The following DCAF6 variants were observed in gnomAD, a reference collection of about 807,000 sequenced individuals.
DCAF6 encodes DDB1- and CUL4-associated factor 6.
DCAF6 carries 54 observed loss-of-function variants against 125.1 expected under a neutral mutation model. The observed-to-expected ratio is 0.43, with a 90% CI of 0.35 to 0.54. The LOEUF (loss-of-function observed/expected upper bound fraction) is 0.54, where lower values mean the gene tolerates loss of function less well. Among genes scored for constraint, DCAF6 ranks in the 20% least tolerant of loss-of-function variants. The pLI is 0.01. For synonymous variants in DCAF6, 371 were observed against 390.4 expected (o/e 0.95, Z 0.58); for missense variants, 934 against 1,161.7 (o/e 0.80, Z 2.85).
At chr1:167,943,926 C>T (rs1672662217) in intron 1 of DCAF6, among the ~76,000 whole-genome samples, 1 of 151,036 alleles carries the variant, frequency 6.6e-6, no homozygotes, top group Non-Finnish European at 1.5e-5. Context: ...GCAAGTTCCG[C>T]CTCCGAGGTT....
intron 11 of DCAF6, among the ~76,000 whole-genome samples, chr1:168,022,598 C>T (rs757455634): frequency 3.9e-5 from 6 of 152,154 alleles, no homozygotes; most frequent in Non-Finnish European, 7.3e-5. Context: ...TTTCATGCTT[C>T]GAATCCTCCA....
At chr1:167,987,789 CAG>C (rs1336267772) in intron 5 of DCAF6, among the ~76,000 whole-genome samples, 181 bp downstream of exon 5, 2 of 151,864 alleles carry the variant, frequency 1.3e-5, no homozygotes, top group East Asian at 1.9e-4. Context: ...AGTTTATAAT[CAG>C]AAATTGAAAA....
intron 17 of DCAF6, among the ~76,000 whole-genome samples, chr1:168,053,214 A>G (rs1346075996): frequency 1.3e-5 from 2 of 152,124 alleles, no homozygotes; most frequent in Admixed American, 6.5e-5. Flanking sequence ...CTACTGTACT[A>G]CCTATCACAG....
the DCAF6 span, among the ~76,000 whole-genome samples, chr1:167,898,044 A>G: frequency 6.7e-6 from 1 of 148,362 alleles, no homozygotes; most frequent in South Asian, 2.2e-4. Context: ...ATGCAATGTG[A>G]GATCATGCAT....
the DCAF6 span, chr1:167,920,415 T>G: frequency 1.1e-6 from 1 of 938,206 alleles, no homozygotes; most frequent in Non-Finnish European, 1.6e-6. Context: ...AATAACTTCC[T>G]AGACATAATA....
At chr1:168,045,445 C>T (rs1572078242) in intron 16 of DCAF6, among the ~76,000 whole-genome samples, 1 of 152,164 alleles carries the variant, frequency 6.6e-6, no homozygotes, top group Non-Finnish European at 1.5e-5. Flanking sequence ...AGTCTTCATT[C>T]TCCATATCTC....
chr1:167,883,102 A>T, the DCAF6 span, among the ~76,000 whole-genome samples: 1 of 152,184 alleles, frequency 6.6e-6, no homozygotes, highest in African/African-American at 2.4e-5. Context: ...CAGTGGTGCG[A>T]TCTCGGCTCA....
At chr1:168,038,323 T>C in intron 12 of DCAF6, 48 bp from the exon 13 acceptor site, 2 of 1,379,074 alleles carry the variant, frequency 1.5e-6, no homozygotes, top group East Asian at 2.3e-5. Context: ...ATGTCATCTT[T>C]TTACTGGTTT....
the DCAF6 span, among the ~76,000 whole-genome samples, chr1:167,900,564 C>T: frequency 4.0e-4 from 61 of 151,704 alleles, no homozygotes; most frequent in Middle Eastern, 0.017. Flanking sequence ...TGGAGTTTCA[C>T]GCTTGTTGCC....
At chr1:167,983,403 G>A (rs952060670) in intron 4 of DCAF6, among the ~76,000 whole-genome samples, 4 of 152,178 alleles carry the variant, frequency 2.6e-5, no homozygotes, top group Non-Finnish European at 5.9e-5. Flanking sequence ...TTCAGGTGTA[G>A]GCACTGGAGT....
the DCAF6 span, among the ~76,000 whole-genome samples, chr1:167,873,158 T>A: frequency 5.9e-5 from 9 of 152,256 alleles, no homozygotes; most frequent in African/African-American, 2.2e-4. Flanking sequence ...AGGTTAGGAT[T>A]CTGTTGCTGT....
rs764019740 is a variant in DCAF6 at position 168,004,720 on chromosome 1, T to C, written c.1305T>C (p.Pro435=). ...SSPTESPHST[P]LLSSPDSEQR... ...CCACAGAAAGCCCTCATTCTACTCC[T>C]TTGCTATCTTCTCCAGACAGTGAAC... The change falls in exon 10 of 22, where the codon CCT becomes CCC. Residue 435 remains proline (P), a synonymous_variant. Coordinates refer to ENST00000367840, the MANE Select transcript of DCAF6 (RefSeq NM_001198956.2). 10 of 1,614,044 alleles carry C rather than the reference T, an allele frequency of 6.2e-6. No individual in the cohort carries two copies. The East Asian group carries it at 1.6e-4, about 25-fold the overall frequency.
intron 1 of DCAF6, 91 bp downstream of exon 1, chr1:167,937,099 G>A (rs2102583709): frequency 2.6e-6 from 3 of 1,143,980 alleles, no homozygotes; most frequent in East Asian, 2.6e-5. Flanking sequence ...GTGGGACGGC[G>A]TCTCGGTGGG....
chr1:167,867,697 C>G, the DCAF6 span, among the ~76,000 whole-genome samples: 1 of 151,800 alleles, frequency 6.6e-6, no homozygotes, highest in East Asian at 1.9e-4. Flanking sequence ...AGAGGGATCC[C>G]CAAGCATGTA....
intron 21 of DCAF6, among the ~76,000 whole-genome samples, chr1:168,069,002 AAG>A (rs1321896276): frequency 2.0e-5 from 3 of 152,174 alleles, no homozygotes; most frequent in Non-Finnish European, 2.9e-5. Flanking sequence ...TATCAAACAA[AAG>A]AGTTTTACCA....
intron 12 of DCAF6, among the ~76,000 whole-genome samples, chr1:168,032,452 A>G (rs76397675): frequency 0.014 from 2,062 of 152,314 alleles, 48 homozygotes; most frequent in African/African-American, 0.048. Context: ...TCCCTGACCT[A>G]TGAACATGGA....
At chr1:167,916,484 G>A in the DCAF6 span, among the ~76,000 whole-genome samples, 1 of 152,192 alleles carries the variant, frequency 6.6e-6, no homozygotes, top group Non-Finnish European at 1.5e-5. Context: ...TCGGATTACA[G>A]GCGTGAGCCA....
chr1:167,878,590 T>A, the DCAF6 span: 1 of 1,614,152 alleles, frequency 6.2e-7, no homozygotes, highest in Non-Finnish European at 8.5e-7. Flanking sequence ...AATTCCTGGG[T>A]AGTACATCAT....
At chr1:167,975,106 A>C in intron 4 of DCAF6, 91 bp downstream of exon 4, 1 of 740,716 alleles carries the variant, frequency 1.4e-6, no homozygotes, top group Non-Finnish European at 2.0e-6. Context: ...GTGTACATGT[A>C]CAGATGTGTG....
Sources: allele counts gnomAD v4.1 joint callset (sites outside exome capture counted in the v4.1 genomes callset), GRCh38; gene constraint gnomAD v4.1.1; transcripts MANE v1.5; gene names NCBI Gene and HGNC (gene_info 2026-07-23, HGNC 2026-07-21).